GPC5: variants seen among roughly 807,000 people sequenced by gnomAD.
GPC5 encodes the protein glypican-5.
A neutral mutation model predicts 53.9 loss-of-function variants in GPC5; 47 were observed. The ratio of observed to expected loss-of-function variants is 0.87; its 90% CI spans 0.69 to 1.11. The LOEUF (loss-of-function observed/expected upper bound fraction) is 1.11. Among genes scored for constraint, GPC5 ranks in the 50% most tolerant of loss-of-function variants. The pLI, the probability that GPC5 is intolerant of heterozygous loss-of-function variation, is 0.00. For missense variants in GPC5, 748 were observed against 713.1 expected (o/e 1.05, Z -0.56); for synonymous variants, 286 against 263.3 (o/e 1.09, Z -0.84).
At chr13:92,299,639 G>T (rs2043061636) in intron 7 of GPC5, among the ~76,000 whole-genome samples, 1 of 152,034 alleles carries the variant, frequency 6.6e-6, no homozygotes. Flanking sequence ...TTTTTCAGAT[G>T]ATCTTTAACT....
In GPC5 at chr13:92,774,926, T is replaced by C. The variant is rs147916071; in HGVS notation, c.1562-91356T>C. On this transcript the variant is annotated intron_variant, in intron 7 of 7. Coordinates refer to ENST00000377067, the MANE Select transcript of GPC5 (RefSeq NM_004466.6). ...GATTAAAGTTGTCTCCTGTCCAACATTGACAAAAAGAGACAAAATTAACTT... is the reference window on the plus strand; with the variant it reads ...GATTAAAGTTGTCTCCTGTCCAACACTGACAAAAAGAGACAAAATTAACTT... Among the ~76,000 whole-genome samples the C allele has an allele frequency of 2.0e-3, 309 of 152,312 alleles. 1 individual carries two copies. Among genetic ancestry groups the C allele is most frequent in the African/African-American group, 7.2e-3 (301 of 41,574 alleles).
At chr13:91,526,283 A>C (rs1242619257) in intron 2 of GPC5, among the ~76,000 whole-genome samples, 1 of 152,188 alleles carries the variant, frequency 6.6e-6, no homozygotes, top group Admixed American at 6.5e-5. Flanking sequence ...CCTGAGAAAT[A>C]CACTATGCTA....
intron 1 of GPC5, among the ~76,000 whole-genome samples, chr13:91,426,596 C>T (rs1313260807): frequency 6.6e-6 from 1 of 152,184 alleles, no homozygotes; most frequent in Non-Finnish European, 1.5e-5. Flanking sequence ...TAGCAAATCA[C>T]TGGTGTAGGT....
chr13:92,563,752 T>C (rs1882773284), intron 7 of GPC5, among the ~76,000 whole-genome samples: 1 of 152,078 alleles, frequency 6.6e-6, no homozygotes, highest in African/African-American at 2.4e-5. Context: ...CTGTGTTTAA[T>C]TGATTCTGGT....
At chr13:92,274,107 G>A (rs2042858833) in intron 7 of GPC5, among the ~76,000 whole-genome samples, 1 of 152,062 alleles carries the variant, frequency 6.6e-6, no homozygotes, top group South Asian at 2.1e-4. Context: ...AAATATTTTG[G>A]AGCATATGCT....
At chr13:92,245,487 G>T (rs1474730843) in intron 7 of GPC5, among the ~76,000 whole-genome samples, 1 of 152,080 alleles carries the variant, frequency 6.6e-6, no homozygotes, top group African/African-American at 2.4e-5. Context: ...AACTAGTGTG[G>T]TACCTACTCT....
intron 7 of GPC5, among the ~76,000 whole-genome samples, chr13:92,837,382 C>T (rs1878255298): frequency 1.3e-5 from 2 of 152,196 alleles, no homozygotes; most frequent in Admixed American, 6.5e-5. Context: ...TCTGATGAGA[C>T]AGTAACTGGA....
chr13:91,500,854 A>G (rs1884582903), intron 2 of GPC5, among the ~76,000 whole-genome samples: 1 of 152,186 alleles, frequency 6.6e-6, no homozygotes, highest in African/African-American at 2.4e-5. Context: ...TAATTGGCTC[A>G]TAGGGGTGGT....
At chr13:91,880,118 T>C (rs1181455311) in intron 5 of GPC5, among the ~76,000 whole-genome samples, 1 of 152,076 alleles carries the variant, frequency 6.6e-6, no homozygotes, top group Non-Finnish European at 1.5e-5. Context: ...TTAAAATTTT[T>C]TTTAAATAAG....
intron 7 of GPC5, among the ~76,000 whole-genome samples, chr13:92,566,832 T>C (rs1316887903): frequency 1.3e-5 from 2 of 152,176 alleles, no homozygotes; most frequent in African/African-American, 4.8e-5. Flanking sequence ...CCAAAAAATG[T>C]AAATAATAAT....
chr13:92,331,069 A>G (rs1403998281), intron 7 of GPC5, among the ~76,000 whole-genome samples: 1 of 152,172 alleles, frequency 6.6e-6, no homozygotes, highest in Non-Finnish European at 1.5e-5. Context: ...AAAGGTCTAA[A>G]TAGATTTTTT....
intron 6 of GPC5, among the ~76,000 whole-genome samples, chr13:92,082,880 G>A (rs906323795): frequency 1.2e-4 from 18 of 152,220 alleles, no homozygotes; most frequent in African/African-American, 4.3e-4. Flanking sequence ...AATTTTTGTG[G>A]ACTTGTTGAA....
chr13:91,473,045 G>A (rs780528316), intron 2 of GPC5, among the ~76,000 whole-genome samples: 60 of 152,208 alleles, frequency 3.9e-4, no homozygotes, highest in Non-Finnish European at 7.8e-4. Context: ...GGAAACTTAC[G>A]ATCATGACAG....
At chr13:91,455,410 G>A (rs1400524324) in intron 2 of GPC5, among the ~76,000 whole-genome samples, 1 of 152,094 alleles carries the variant, frequency 6.6e-6, no homozygotes, top group African/African-American at 2.4e-5. Flanking sequence ...TGATAATGAT[G>A]TTGTATCTTG....
chr13:91,949,406 T>C (rs779647394), intron 6 of GPC5, among the ~76,000 whole-genome samples: 2 of 152,012 alleles, frequency 1.3e-5, no homozygotes, highest in Non-Finnish European at 2.9e-5. Flanking sequence ...CAGTGAAAGA[T>C]TAAAAAAGGA....
In GPC5 at chr13:92,826,563, G is replaced by T. The variant is rs558275309; in HGVS notation, c.1562-39719G>T. On this transcript the variant is annotated intron_variant, in intron 7 of 7. Coordinates refer to ENST00000377067, the MANE Select transcript of GPC5 (RefSeq NM_004466.6). ...CAAGCCATCAAAGTAATAGTAATTT[G>T]TTCCATGACAATAGAAAATTAGAAT... 3.9e-5 allele frequency among the ~76,000 whole-genome samples: 6 copies of T among 152,184 alleles called. No homozygotes were observed. The South Asian group carries it at 1.2e-3, about 32-fold the overall frequency.
At chr13:91,776,247 T>C (rs1455367286) in intron 5 of GPC5, among the ~76,000 whole-genome samples, 2 of 152,150 alleles carry the variant, frequency 1.3e-5, no homozygotes, top group African/African-American at 4.8e-5. Context: ...AGCACACTTC[T>C]GAGGGACATT....
At position 91,897,047 on chromosome 13, in the gene GPC5, C is replaced by A. The variant is rs190438476; in HGVS notation, c.1281-10890C>A. Among the ~76,000 whole-genome samples, 462 of 152,128 alleles carry A rather than the reference C, an allele frequency of 3.0e-3. 1 individual carries two copies. Among genetic ancestry groups the A allele is most frequent in the African/African-American group, 0.011 (446 of 41,526 alleles). ...TCTTCTTCCTCCTCCTCTTCTTCCT[C>A]CCCCTCCTCCTCCTTTTTCATCAAA... On this transcript the variant is annotated intron_variant, in intron 5 of 7. Coordinates refer to ENST00000377067, the MANE Select transcript of GPC5 (RefSeq NM_004466.6).
chr13:92,116,909 G>A (rs544451917), intron 6 of GPC5, among the ~76,000 whole-genome samples: 3 of 152,110 alleles, frequency 2.0e-5, no homozygotes, highest in Non-Finnish European at 2.9e-5. Flanking sequence ...TCTTTATTAA[G>A]TTTTGGGAAT....
Sources: allele counts gnomAD v4.1 joint callset (sites outside exome capture counted in the v4.1 genomes callset), GRCh38; gene constraint gnomAD v4.1.1; transcripts MANE v1.5; gene names NCBI Gene and HGNC (gene_info 2026-07-23, HGNC 2026-07-21).